Variants in GAREM1 observed in about 807,000 individuals in gnomAD.
GAREM1 encodes GRB2-associated and regulator of MAPK protein 1.
GAREM1 carries 26 observed loss-of-function variants against 71.3 expected under a neutral mutation model. The observed-to-expected ratio is 0.36, with a 90% CI of 0.27 to 0.51. The LOEUF (loss-of-function observed/expected upper bound fraction) is 0.51, where lower values mean the gene tolerates loss of function less well. Ranked by LOEUF, GAREM1 falls within the 20% of genes least tolerant of loss-of-function variation. The pLI is 0.95. For synonymous variants in GAREM1, 440 were observed against 433.2 expected (o/e 1.02, Z -0.20); for missense variants, 1,026 against 1,103.1 (o/e 0.93, Z 0.99).
intron 2 of GAREM1, among the ~76,000 whole-genome samples, chr18:32,346,499 T>C (rs1022625004): frequency 6.6e-6 from 1 of 152,222 alleles, no homozygotes; most frequent in South Asian, 2.1e-4. Context: ...TAAACTGTTA[T>C]TTTAAAAAGG....
intron 2 of GAREM1, among the ~76,000 whole-genome samples, chr18:32,344,000 C>T (rs1468231320): frequency 2.6e-5 from 4 of 152,172 alleles, no homozygotes; most frequent in Admixed American, 2.0e-4. Flanking sequence ...GGTCATTCCT[C>T]GCTTTGTTTT....
chr18:32,349,983 A>C (rs906629077), intron 2 of GAREM1, among the ~76,000 whole-genome samples: 1 of 152,234 alleles, frequency 6.6e-6, no homozygotes, highest in African/African-American at 2.4e-5. Flanking sequence ...GCAGGGCTCC[A>C]AGTGTCTGAA....
At chr18:32,293,610 A>G (rs759062137) in intron 3 of GAREM1, among the ~76,000 whole-genome samples, 2 of 152,202 alleles carry the variant, frequency 1.3e-5, no homozygotes, top group East Asian at 1.9e-4. Flanking sequence ...ATCATTTTAT[A>G]TAAGAATCAT....
intron 1 of GAREM1, among the ~76,000 whole-genome samples, chr18:32,416,392 A>G (rs2048466579): frequency 6.6e-6 from 1 of 152,182 alleles, no homozygotes; most frequent in East Asian, 1.9e-4. Context: ...TGGAACCACA[A>G]AAGACCCAGA....
intron 2 of GAREM1, among the ~76,000 whole-genome samples, chr18:32,321,173 A>G (rs2047424495): frequency 6.6e-6 from 1 of 152,204 alleles, no homozygotes; most frequent in Non-Finnish European, 1.5e-5. Flanking sequence ...GAATAAATAA[A>G]CATATAATAG....
intron 1 of GAREM1, among the ~76,000 whole-genome samples, chr18:32,427,227 G>A (rs111256266): frequency 4.4e-4 from 67 of 152,228 alleles, no homozygotes; most frequent in Middle Eastern, 3.4e-3. Flanking sequence ...ATATTGCAAA[G>A]AAAACACCTA....
intron 1 of GAREM1, among the ~76,000 whole-genome samples, chr18:32,433,042 A>T (rs2048638834): frequency 6.6e-6 from 1 of 152,042 alleles, no homozygotes; most frequent in Admixed American, 6.6e-5. Context: ...AAAAATCCTC[A>T]ACAAAATATT....
rs190867311 is a variant in GAREM1, at chr18:32,430,982, A to G, written c.122-37947T>C. The stretch of plus-strand genomic sequence containing the variant: ...GGATATCACAGAGAGAAAGGAGTTC[A>G]ACAGAGTGATCCTATAAATTTGAGT... On this transcript the variant is annotated intron_variant, in intron 1 of 5. Coordinates refer to ENST00000269209, the MANE Select transcript of GAREM1 (RefSeq NM_001242409.2). Among the ~76,000 whole-genome samples, 50 of 152,310 alleles carry G rather than the reference A, an allele frequency of 3.3e-4. 1 individual carries two copies. Among genetic ancestry groups the G allele is most frequent in the Admixed American group, 3.2e-3 (49 of 15,296 alleles).
intron 2 of GAREM1, among the ~76,000 whole-genome samples, chr18:32,344,302 C>T (rs2047674770): frequency 2.0e-5 from 3 of 152,140 alleles, no homozygotes; most frequent in Admixed American, 2.0e-4. Context: ...ACCTCTTCCC[C>T]AAAACTCAGG....
Position 32,287,602 on chromosome 18 carries a change from T to C in GAREM1, c.995A>G (p.Glu332Gly). Residue 332 changes from glutamate (E) to glycine (G), a missense_variant, in exon 4 of 6, where the codon GAA becomes GGA. Glu to Gly is a moderately conservative substitution (Grantham distance 98). Around this residue, in one of 3 missense-constraint regions of GAREM1, gnomAD observed 218 missense variants for 296.8 expected, o/e 0.73. Transcript: ENST00000269209. The surrounding 1 kb of genome is among the most constrained non-coding windows in gnomAD (Gnocchi z 5.9). ...LVHHWLGICQ[E>G]QFDIDEYSRA... ...TGAATACTCATCGATGTCGAACTGT[T>C]CTTGGCAGATACCTAGCCAGTGATG... The C allele has an allele frequency of 4.3e-6, 7 of 1,614,204 alleles. No individual in the cohort carries two copies. The highest frequency in any genetic ancestry group is 5.9e-6 in the Non-Finnish European group (7 of 1,180,042).
At chr18:32,396,593 A>G (rs1458879846) in intron 1 of GAREM1, among the ~76,000 whole-genome samples, 1 of 152,236 alleles carries the variant, frequency 6.6e-6, no homozygotes, top group Non-Finnish European at 1.5e-5. Context: ...AAGCGAGAAG[A>G]GAAGTTTAGA....
rs1291955551 is a variant in GAREM1, at chr18:32,470,497, G to A, written c.-69C>T. 5.4e-6 allele frequency: 6 copies of A among 1,116,508 alleles called. No homozygotes were observed. In the East Asian group the frequency reaches 1.8e-4, roughly 34 times the overall value. The allele number at this position is 1,116,508 out of a possible 1,614,324, so 69.2% of individuals were successfully genotyped here. ...CGGCACCACCCGCGCCTCGGCGGCCGCCGCTGCTCGCGCTCGCGGTCTGGG... is the reference window on the plus strand; with the variant it reads ...CGGCACCACCCGCGCCTCGGCGGCCACCGCTGCTCGCGCTCGCGGTCTGGG... On this transcript the variant is annotated 5_prime_UTR_variant, in exon 1 of 6. Coordinates refer to ENST00000269209, the MANE Select transcript of GAREM1 (RefSeq NM_001242409.2). The surrounding 1 kb of genome is among the most constrained non-coding windows in gnomAD (Gnocchi z 4.4).
Position 32,267,057 on chromosome 18 carries a change from A to C in GAREM1, c.*814T>G, listed in dbSNP as rs2041383292. ...GGAGTCATTCTGTCCACTATTCCTA[A>C]GAGAATCAATGTAGATAACAGTCCC... On this transcript the variant is annotated 3_prime_UTR_variant, in exon 6 of 6. Transcript: ENST00000269209. 6.6e-6 allele frequency: 1 copy of C among 152,208 alleles called. No individual in the cohort carries two copies. The highest frequency in any genetic ancestry group is 1.5e-5 in the Non-Finnish European group (1 of 68,034). The allele number at this position is 152,208 out of a possible 1,614,324, so 9.4% of individuals were successfully genotyped here.
intron 1 of GAREM1, among the ~76,000 whole-genome samples, chr18:32,427,531 T>C (rs2048586975): frequency 6.6e-6 from 1 of 152,150 alleles, no homozygotes; most frequent in Non-Finnish European, 1.5e-5. Flanking sequence ...TCTGGTGCAG[T>C]ATCACCACTA....
chr18:32,450,980 C>T (rs2048832290), intron 1 of GAREM1, among the ~76,000 whole-genome samples: 1 of 150,588 alleles, frequency 6.6e-6, no homozygotes, highest in African/African-American at 2.4e-5. Flanking sequence ...AACCTCATTT[C>T]TATTAAAAAA....
At chr18:32,288,764 A>T (rs2047051988) in intron 3 of GAREM1, among the ~76,000 whole-genome samples, 2 of 152,164 alleles carry the variant, frequency 1.3e-5, no homozygotes, top group South Asian at 4.1e-4. Flanking sequence ...AAAAAGAAAC[A>T]GAATTGATCC....
At chr18:32,307,998 C>T (rs1484794294) in intron 3 of GAREM1, among the ~76,000 whole-genome samples, 1 of 152,128 alleles carries the variant, frequency 6.6e-6, no homozygotes, top group Non-Finnish European at 1.5e-5. Flanking sequence ...CCTGAGGTTC[C>T]TATAACAATC....
chr18:32,348,356 A>G (rs912650812), intron 2 of GAREM1, among the ~76,000 whole-genome samples: 1 of 152,208 alleles, frequency 6.6e-6, no homozygotes, highest in African/African-American at 2.4e-5. Flanking sequence ...TGTAGCTCAC[A>G]TTATTATTAT....
At chr18:32,274,606 CA>C (rs1011408032) in intron 4 of GAREM1, among the ~76,000 whole-genome samples, 7 of 152,172 alleles carry the variant, frequency 4.6e-5, no homozygotes, top group African/African-American at 1.4e-4. Context: ...ATCTTTCTAG[CA>C]ATCTCTCCCA....
Sources: gnomAD v4.1 joint callset for allele counts (sites outside exome capture counted in the v4.1 genomes callset) on GRCh38, gnomAD v4.1.1 for gene constraint, gnomAD v4.1.1 regional missense constraint, Gnocchi (gnomAD v3.1) non-coding constraint, MANE v1.5 for transcripts, NCBI Gene and HGNC (gene_info 2026-07-23, HGNC 2026-07-21) for gene names.